Variants in SEMA7A observed in about 807,000 individuals in gnomAD.
The protein encoded by SEMA7A is semaphorin 7A (JohnMiltonHagen blood group), also known as semaphorin-7A.
Under a neutral mutation model 67.5 loss-of-function variants are expected in SEMA7A, and 21 were observed. The ratio of observed to expected loss-of-function variants is 0.31; its 90% confidence interval spans 0.22 to 0.45. SEMA7A has a LOEUF of 0.45. Ranked by LOEUF, SEMA7A falls within the 20% of genes least tolerant of loss-of-function variation. SEMA7A has a pLI of 1.00. For synonymous variants in SEMA7A, 364 were observed against 368.5 expected (o/e 0.99, Z 0.14); for missense variants, 774 against 908.6 (o/e 0.85, Z 1.90).
intron 1 of SEMA7A, among the ~76,000 whole-genome samples, chr15:74,432,852 CG>C (rs1048574479): frequency 1.3e-5 from 2 of 152,028 alleles, no homozygotes; most frequent in African/African-American, 4.8e-5. Flanking sequence ...CAGTTCCTCG[CG>C]GCAGAAAGCC....
rs2061020114 is a variant in SEMA7A at position 74,423,810 on chromosome 15, C to A, written c.179-4858G>T. Among the ~76,000 whole-genome samples, 1 of 152,212 alleles carries A rather than the reference C, an allele frequency of 6.6e-6. No individual in the cohort carries two copies. Among genetic ancestry groups the A allele is most frequent in the Non-Finnish European group, 1.5e-5 (1 of 68,038 alleles). ...GGAATACAGGAACAAATGTTTCTGT[C>A]TCTCCTGATATGGCCAGGAAGAGGG... On this transcript the variant is annotated intron_variant, in intron 1 of 13. Transcript: ENST00000261918. This position sits in a 1 kb window ranked among gnomAD's most constrained non-coding sequence, Gnocchi z 4.1.
At chr15:74,430,951 G>A (rs1312865177) in intron 1 of SEMA7A, among the ~76,000 whole-genome samples, 10 of 152,272 alleles carry the variant, frequency 6.6e-5, no homozygotes, top group South Asian at 4.1e-4. Flanking sequence ...AGAACCAGCC[G>A]GGCAGGTTGA....
At chr15:74,415,693 C>G (rs1014599147) in intron 8 of SEMA7A, 108 bp downstream of exon 8, 6 of 1,129,728 alleles carry the variant, frequency 5.3e-6, no homozygotes, top group South Asian at 1.6e-5. Context: ...GAGCCTGCAG[C>G]CCCTGCTCCT....
intron 8 of SEMA7A, among the ~76,000 whole-genome samples, chr15:74,415,293 C>G (rs796131476): frequency 2.6e-5 from 4 of 152,210 alleles, no homozygotes; most frequent in African/African-American, 7.2e-5. Context: ...CCCTTCCCAG[C>G]CTGGGGGACC....
At position 74,414,745 on chromosome 15, in the gene SEMA7A, A is replaced by G; in HGVS notation, c.1096T>C (p.Cys366Arg). The change falls in exon 10 of 14, where the codon TGC (cysteine) becomes CGC (arginine). Residue 366 changes from cysteine (C) to arginine (R), a missense_variant and splice_region_variant. Transcript: ENST00000261918. The surrounding 1 kb of genome is among the most constrained non-coding windows in gnomAD (Gnocchi z 4.1). ...SSLPNPRPGK[C>R]LPDQQPIPTE... ...GGTATCGGCTGCTGGTCTGGGAGGC[A>G]CTGGGCAAGGAGAGCAGGCCCAGGT... The G allele has an allele frequency of 2.5e-6, 4 of 1,614,104 alleles. No homozygotes were observed. The highest frequency in any genetic ancestry group is 3.4e-6 in the Non-Finnish European group (4 of 1,180,020).
At position 74,411,030 on chromosome 15, in the gene SEMA7A, T is replaced by C. The variant is rs1596185234; in HGVS notation, c.1640-45A>G. On this transcript the variant is annotated intron_variant, in intron 13 of 13. Coordinates refer to ENST00000261918, the MANE Select transcript of SEMA7A (RefSeq NM_003612.5). This position sits in a 1 kb window ranked among gnomAD's most constrained non-coding sequence, Gnocchi z 4.4. The stretch of plus-strand genomic sequence containing the variant: ...GCAGCCGTGAGGAGGGACAAAGAGC[T>C]CCCAGGGGAGGATGTGTCCTCCCCA... The C allele has an allele frequency of 6.3e-7, 1 of 1,577,310 alleles. No individual in the cohort carries two copies. The highest frequency in any genetic ancestry group is 8.6e-7 in the Non-Finnish European group (1 of 1,161,628).
At chr15:74,433,250 C>T (rs929995459) in intron 1 of SEMA7A, among the ~76,000 whole-genome samples, 7 of 151,406 alleles carry the variant, frequency 4.6e-5, no homozygotes, top group Admixed American at 1.3e-4. Context: ...GGTCTTTGTT[C>T]CCGCTGCCGA....
intron 10 of SEMA7A, 76 bp from the exon 11 acceptor site, chr15:74,412,088 G>A (rs1325683753): frequency 1.3e-6 from 2 of 1,564,180 alleles, no homozygotes; most frequent in Non-Finnish European, 1.7e-6. Flanking sequence ...AGGCCGGGGA[G>A]GGGTGGGAAG....
At position 74,433,763 on chromosome 15, in the gene SEMA7A, G is replaced by A; in HGVS notation, c.156C>T (p.Pro52=). Residue 52 remains proline, a synonymous_variant, in exon 1 of 14, where the codon CCC becomes CCT. Transcript: ENST00000261918. ...TACCTTTCCAGACGGCGAAGATGCGGGGTCCGCTCCTTAGGTGGCCCTGGG... is the reference window on the plus strand; with the variant it reads ...TACCTTTCCAGACGGCGAAGATGCGAGGTCCGCTCCTTAGGTGGCCCTGGG... ...ASAQGHLRSG[P]RIFAVWKGHV... 6.9e-7 allele frequency: 1 copy of A among 1,446,384 alleles called. No individual in the cohort carries two copies. Among genetic ancestry groups the A allele is most frequent in the Non-Finnish European group, 9.0e-7 (1 of 1,105,308 alleles). The allele number at this position is 1,446,384 out of a possible 1,614,324, so 89.6% of individuals were successfully genotyped here.
At chr15:74,417,305 C>T (rs371085607) in intron 6 of SEMA7A, 30 bp downstream of exon 6, 4 of 1,574,350 alleles carry the variant, frequency 2.5e-6, no homozygotes, top group Non-Finnish European at 3.5e-6. Flanking sequence ...CCCCCTTGCC[C>T]ACCCTCAGCC....
intron 1 of SEMA7A, among the ~76,000 whole-genome samples, chr15:74,422,946 C>T (rs568528369): frequency 1.2e-4 from 19 of 152,320 alleles, no homozygotes; most frequent in African/African-American, 4.3e-4. Context: ...TGTTGTTGTC[C>T]ATGAAGGGGC....
In SEMA7A at chr15:74,433,766, T is replaced by A; in HGVS notation, c.153A>T (p.Gly51=). The change falls in exon 1 of 14, where the codon GGA becomes GGT. Residue 51 remains glycine, a synonymous_variant. Transcript: ENST00000261918. ...AASAQGHLRS[G]PRIFAVWKGH... ...CTTTCCAGACGGCGAAGATGCGGGG[T>A]CCGCTCCTTAGGTGGCCCTGGGCGG... 1 of 1,445,734 alleles carries A rather than the reference T, an allele frequency of 6.9e-7. No individual in the cohort carries two copies. The highest frequency in any genetic ancestry group is 1.4e-5 in the South Asian group (1 of 74,026). The allele number at this position is 1,445,734 out of a possible 1,614,324, so 89.6% of individuals were successfully genotyped here.
At chr15:74,419,617 C>T (rs2060982603) in intron 1 of SEMA7A, among the ~76,000 whole-genome samples, 1 of 152,236 alleles carries the variant, frequency 6.6e-6, no homozygotes, top group South Asian at 2.1e-4. Context: ...GGAGGGGCAG[C>T]CCAAGGGCAC....
chr15:74,416,270 A>G (rs1435007464), intron 7 of SEMA7A, among the ~76,000 whole-genome samples: 1 of 151,938 alleles, frequency 6.6e-6, no homozygotes, highest in East Asian at 1.9e-4. Context: ...ACACACATTT[A>G]CTGACTCACA....
At chr15:74,422,604 C>T (rs948857770) in intron 1 of SEMA7A, among the ~76,000 whole-genome samples, 3 of 152,198 alleles carry the variant, frequency 2.0e-5, no homozygotes, top group African/African-American at 7.2e-5. Flanking sequence ...GGCCCAGCTC[C>T]GGCCAGATAG....
intron 1 of SEMA7A, among the ~76,000 whole-genome samples, chr15:74,427,585 C>T (rs570955754): frequency 1.3e-5 from 2 of 152,330 alleles, no homozygotes; most frequent in Non-Finnish European, 2.9e-5. Flanking sequence ...CCTACCTTGG[C>T]CTCCCAAAGT....
rs200895370 is a variant in SEMA7A at position 74,417,900 on chromosome 15, G to A, written c.442C>T (p.Arg148Trp). 307 of 1,613,372 alleles carry A rather than the reference G, an allele frequency of 1.9e-4. No homozygotes were observed. In the East Asian group the frequency reaches 2.5e-3, roughly 13 times the overall value. The change falls in exon 4 of 14, where the codon CGG becomes TGG. Residue 148 changes from arginine to tryptophan, a missense_variant. By Grantham distance (101) the Arg-to-Trp change is moderately radical. Coordinates refer to ENST00000261918, the MANE Select transcript of SEMA7A (RefSeq NM_003612.5). ...ACCAGGTTCCAGCAGCTGGGGTGCCGGGCGTTGGTGCCACAGGCCAGCAGC... is the reference window on the plus strand; with the variant it reads ...ACCAGGTTCCAGCAGCTGGGGTGCCAGGCGTTGGTGCCACAGGCCAGCAGC... The part of the protein sequence containing the change: ...EGLLACGTNA[R>W]HPSCWNLVNG...
intron 10 of SEMA7A, among the ~76,000 whole-genome samples, chr15:74,413,448 T>C (rs2060919001): frequency 6.6e-6 from 1 of 152,214 alleles, no homozygotes; most frequent in South Asian, 2.1e-4. Context: ...CTCCCAAGTC[T>C]GCAGGAAGGG....
At chr15:74,422,406 C>A (rs961954188) in intron 1 of SEMA7A, among the ~76,000 whole-genome samples, 9 of 152,092 alleles carry the variant, frequency 5.9e-5, no homozygotes, top group African/African-American at 2.2e-4. Flanking sequence ...GGGGAGGGGG[C>A]TAGGGACATA....
Sources: allele counts gnomAD v4.1 joint callset (sites outside exome capture counted in the v4.1 genomes callset), GRCh38; gene constraint gnomAD v4.1.1; non-coding constraint Gnocchi (gnomAD v3.1); transcripts MANE v1.5; gene names NCBI Gene and HGNC (gene_info 2026-07-23, HGNC 2026-07-21).